Variants in PRKDC observed in about 807,000 individuals in gnomAD.
PRKDC encodes protein kinase, DNA-activated, catalytic subunit, also known as DNA-dependent protein kinase catalytic subunit.
Under a neutral mutation model 486.9 loss-of-function variants are expected in PRKDC, and 82 were observed. The ratio of observed to expected loss-of-function variants is 0.17; its 90% CI spans 0.14 to 0.20. The LOEUF is 0.20. Ranked by LOEUF, PRKDC falls within the 10% of genes least tolerant of loss-of-function variation. PRKDC has a pLI of 1.00. For synonymous variants in PRKDC, 1,895 were observed against 1,837.0 expected, an observed-to-expected ratio of 1.03 and a Z score of -0.81; for missense variants, 4,504 against 5,038.2, an observed-to-expected ratio of 0.89 and a Z score of 3.21.
chr8:47,906,067 G>A (rs1402202759), intron 25 of PRKDC, among the ~76,000 whole-genome samples: 1 of 152,210 alleles, frequency 6.6e-6, no homozygotes, highest in East Asian at 1.9e-4. Context: ...TAAAATGCTG[G>A]CCAGGCGCAG....
chr8:47,824,151 A>C (rs2087672314), intron 63 of PRKDC, among the ~76,000 whole-genome samples, 155 bp from the exon 64 acceptor site: 1 of 152,246 alleles, frequency 6.6e-6, no homozygotes, highest in Admixed American at 6.5e-5. Context: ...AAAATTTAAG[A>C]AACTATGAAG....
At chr8:47,922,965 TATGAG>T (rs1233387957) in intron 21 of PRKDC, among the ~76,000 whole-genome samples, 1 of 152,112 alleles carries the variant, frequency 6.6e-6, no homozygotes, top group Non-Finnish European at 1.5e-5. Context: ...AAAAAGATAG[TATGAG>T]ATGAGTTAAA....
Position 47,836,488 on chromosome 8 carries a change from C to G in PRKDC, c.7801G>C (p.Val2601Leu), listed in dbSNP as rs767776544. 12 of 1,609,296 alleles carry G rather than the reference C, an allele frequency of 7.5e-6. No individual in the cohort carries two copies. Among genetic ancestry groups the G allele is most frequent in the Non-Finnish European group, 1.0e-5 (12 of 1,177,810 alleles). The stretch of plus-strand genomic sequence containing the variant: ...GTCTCCACAAACATCGGAGTGAGAA[C>G]AGTACTTCGGAAACGCCAATCAGAA... Reference protein sequence around the residue: ...IDSDWRFRSTVLTPMFVETQA... With the variant: ...IDSDWRFRSTLLTPMFVETQA... The change falls in exon 58 of 86, where the codon GTT becomes CTT. Residue 2601 changes from valine to leucine, a missense_variant. Transcript: ENST00000314191.
At position 47,798,273 on chromosome 8, in the gene PRKDC, C is replaced by T. The variant is rs1247852355; in HGVS notation, c.10422G>A (p.Arg3474=). 2.5e-6 allele frequency: 4 copies of T among 1,613,818 alleles called. No individual in the cohort carries two copies. Among genetic ancestry groups the T allele is most frequent in the Non-Finnish European group, 3.4e-6 (4 of 1,179,838 alleles). Residue 3474 remains arginine (R), a synonymous_variant, in exon 73 of 86, where the codon CGG becomes CGA. Transcript: ENST00000314191. The stretch of plus-strand genomic sequence containing the variant: ...TGAGGCTCAAAGTCTCCTCTGGATA[C>T]CGTTCTATAATCTGAAGTAATCTAG... ...KFPRLLQIIE[R]YPEETLSLMT... is the part of the protein sequence containing the mutation.
intron 48 of PRKDC, 119 bp downstream of exon 48, chr8:47,858,397 T>C (rs1162577853): frequency 1.0e-6 from 1 of 990,698 alleles, no homozygotes; most frequent in Non-Finnish European, 1.4e-6. Flanking sequence ...CCTTTATATT[T>C]TCCTTTTTTG....
intron 74 of PRKDC, among the ~76,000 whole-genome samples, chr8:47,793,095 G>C (rs972682999): frequency 2.0e-5 from 3 of 152,120 alleles, no homozygotes; most frequent in African/African-American, 7.2e-5. Flanking sequence ...TGTTGCCAAG[G>C]CTGGTCATGA....
In PRKDC at chr8:47,821,766, ATCTACCCAG is replaced by A; in HGVS notation, c.8940_8948del (p.Trp2981_Asp2983del). ...CCTTCTCGGCTTCTGTGGGCTCACC[ATCTACCCAG>A]TCTTGTTTATTGAGAGCCTAGTGGA... On this transcript the variant is annotated inframe_deletion, in exon 65 of 86. Transcript: ENST00000314191. 6.3e-7 allele frequency: 1 copy of A among 1,583,312 alleles called. No homozygotes were observed. Among genetic ancestry groups the A allele is most frequent in the Non-Finnish European group, 8.6e-7 (1 of 1,167,962 alleles).
intron 61 of PRKDC, among the ~76,000 whole-genome samples, chr8:47,830,276 C>A (rs1232821620): frequency 6.6e-6 from 1 of 152,180 alleles, no homozygotes; most frequent in Non-Finnish European, 1.5e-5. Context: ...GTCTACAATC[C>A]ACTGATTCCT....
chr8:47,868,264 T>C (rs552509800), intron 40 of PRKDC, among the ~76,000 whole-genome samples: 20 of 152,208 alleles, frequency 1.3e-4, no homozygotes, highest in Admixed American at 1.2e-3. Context: ...AATTTCTTTT[T>C]AAATATTTTA....
chr8:47,862,184 A>C, intron 43 of PRKDC, 57 bp from the exon 44 acceptor site: 1 of 1,463,924 alleles, frequency 6.8e-7, no homozygotes, highest in African/African-American at 1.4e-5. Flanking sequence ...CTCATAATCG[A>C]TGTTACTTTA....
At chr8:47,881,393 A>G in intron 38 of PRKDC, 23 bp downstream of exon 38, 1 of 1,329,064 alleles carries the variant, frequency 7.5e-7, no homozygotes, top group Non-Finnish European at 1.1e-6. Context: ...GTAATCCAAA[A>G]AAATAAATAT....
chr8:47,904,980 A>T lies in PRKDC; in HGVS notation c.2935-4T>A. 1.3e-6 allele frequency: 2 copies of T among 1,592,596 alleles called. No homozygotes were observed. The highest frequency in any genetic ancestry group is 1.7e-6 in the Non-Finnish European group (2 of 1,161,212). ...GCTCATACAGTTGCCTTGTCACCTGAAGAAACAATACCATTAAAGTTAATT... is the reference window on the plus strand; with the variant it reads ...GCTCATACAGTTGCCTTGTCACCTGTAGAAACAATACCATTAAAGTTAATT... On this transcript the variant is annotated splice_region_variant and splice_polypyrimidine_tract_variant and intron_variant, in intron 25 of 85. Coordinates refer to ENST00000314191, the MANE Select transcript of PRKDC (RefSeq NM_006904.7).
At chr8:47,818,313 G>C (rs186938027) in intron 67 of PRKDC, among the ~76,000 whole-genome samples, 7 of 152,208 alleles carry the variant, frequency 4.6e-5, no homozygotes, top group African/African-American at 1.4e-4. Flanking sequence ...AGGCACGGTG[G>C]CTCATGCCTG....
intron 62 of PRKDC, 101 bp from the exon 63 acceptor site, chr8:47,826,962 G>A: frequency 8.8e-7 from 1 of 1,135,148 alleles, no homozygotes; most frequent in East Asian, 2.6e-5. Context: ...GTACCCATGT[G>A]GGTAGTGATA....
chr8:47,857,094 T>C lies in PRKDC; in HGVS notation c.6609+62A>G, dbSNP rs1465085261. ...TGAGAGGGACCTGAATTATGTGTCA[T>C]AGGCTCTATAGGCTATTGGCAAAGG... On this transcript the variant is annotated intron_variant, in intron 49 of 85. Coordinates refer to ENST00000314191, the MANE Select transcript of PRKDC (RefSeq NM_006904.7). 3.0e-5 allele frequency: 45 copies of C among 1,522,650 alleles called. No homozygotes were observed. In the South Asian group the frequency reaches 3.2e-4, roughly 11 times the overall value. The allele number at this position is 1,522,650 out of a possible 1,614,324, so 94.3% of individuals were successfully genotyped here. A position where few individuals can be genotyped will look rare whatever the true frequency, so the allele number is the denominator to read the frequency against.
intron 68 of PRKDC, among the ~76,000 whole-genome samples, chr8:47,807,697 C>T (rs550193457): frequency 4.0e-5 from 6 of 149,382 alleles, no homozygotes; most frequent in East Asian, 2.0e-4. Context: ...GGATTACAGG[C>T]GTGAGCCACC....
chr8:47,939,005 T>C (rs2090397096), intron 11 of PRKDC, among the ~76,000 whole-genome samples: 1 of 152,232 alleles, frequency 6.6e-6, no homozygotes, highest in Non-Finnish European at 1.5e-5. Context: ...ATGGTGTTTC[T>C]ATTCTTCACA....
At chr8:47,880,366 T>C (rs745488664) in intron 38 of PRKDC, among the ~76,000 whole-genome samples, 10 of 152,212 alleles carry the variant, frequency 6.6e-5, no homozygotes, top group East Asian at 1.9e-4. Context: ...AAGAACTTCA[T>C]ACTGAGCTTA....
intron 67 of PRKDC, 119 bp downstream of exon 67, chr8:47,819,283 G>T: frequency 1.7e-6 from 1 of 603,750 alleles, no homozygotes; most frequent in Admixed American, 3.8e-5. Flanking sequence ...GAGGAAATTC[G>T]ATGGAGTTTC....
Sources: gnomAD v4.1 joint callset for allele counts (sites outside exome capture counted in the v4.1 genomes callset) on GRCh38, gnomAD v4.1.1 for gene constraint, MANE v1.5 for transcripts, NCBI Gene and HGNC (gene_info 2026-07-23, HGNC 2026-07-21) for gene names.